The following AATF variants were observed in gnomAD, a reference collection of about 807,000 sequenced individuals.
AATF encodes apoptosis antagonizing transcription factor.
Under a neutral mutation model 63.7 loss-of-function variants are expected in AATF, and 48 were observed. That is an observed-to-expected ratio of 0.75 (90% CI 0.60 to 0.96). AATF has a LOEUF of 0.96. AATF is among the 40% of genes least tolerant of loss of function. The pLI is 0.00. For missense variants in AATF, 639 were observed against 685.7 expected (o/e 0.93, Z 0.76); for synonymous variants, 258 against 247.7 (o/e 1.04, Z -0.39).
chr17:36,971,380 T>C (rs1481587899), intron 4 of AATF, among the ~76,000 whole-genome samples: 1 of 152,222 alleles, frequency 6.6e-6, no homozygotes, highest in Non-Finnish European at 1.5e-5. Flanking sequence ...TACCTCTACA[T>C]ACCTATTAGG....
chr17:37,014,364 T>C (rs1482365188), intron 8 of AATF, among the ~76,000 whole-genome samples: 2 of 152,046 alleles, frequency 1.3e-5, no homozygotes, highest in Non-Finnish European at 2.9e-5. Flanking sequence ...GGTACCTTGC[T>C]GTCCTCTGCT....
At chr17:37,048,704 G>A (rs1348625512) in intron 11 of AATF, among the ~76,000 whole-genome samples, 1 of 152,094 alleles carries the variant, frequency 6.6e-6, no homozygotes, top group Admixed American at 6.5e-5. Flanking sequence ...TGTCACCTGT[G>A]TCTGAGCCCA....
At chr17:36,963,362 C>T (rs2070964330) in intron 4 of AATF, among the ~76,000 whole-genome samples, 3 of 152,150 alleles carry the variant, frequency 2.0e-5, no homozygotes, top group Non-Finnish European at 4.4e-5. Flanking sequence ...ATTGAATCAT[C>T]TGTGTTTAAT....
chr17:37,046,296 A>G (rs562829910), intron 11 of AATF, among the ~76,000 whole-genome samples: 51 of 152,246 alleles, frequency 3.3e-4, no homozygotes, highest in Non-Finnish European at 6.5e-4. Flanking sequence ...GGAGGAGACC[A>G]TTAGACCATT....
intron 4 of AATF, among the ~76,000 whole-genome samples, chr17:36,974,237 T>C (rs79132260): frequency 0.12 from 17,927 of 152,252 alleles, 1,327 homozygotes; most frequent in Non-Finnish European, 0.16. Flanking sequence ...AAAATGGGAC[T>C]CTATTCTGTA....
At position 36,957,953 on chromosome 17, in the gene AATF, C is replaced by T. The variant is rs528162777; in HGVS notation, c.832+4046C>T. Among the ~76,000 whole-genome samples the T allele has an allele frequency of 6.6e-4, 100 of 152,278 alleles. 1 individual carries two copies. The highest frequency in any genetic ancestry group is 2.2e-3 in the African/African-American group (91 of 41,564). ...AATGAATATCTCCTTCCTCTCCACA[C>T]ACCACCCCAAACACGTAAACTTAGT... On this transcript the variant is annotated intron_variant, in intron 4 of 11. Coordinates refer to ENST00000619387, the MANE Select transcript of AATF (RefSeq NM_012138.4).
At chr17:37,050,649 C>T (rs1567998969) in intron 11 of AATF, among the ~76,000 whole-genome samples, 2 of 152,208 alleles carry the variant, frequency 1.3e-5, no homozygotes, top group African/African-American at 4.8e-5. Flanking sequence ...GGATCCAGAC[C>T]CTGCTAGCCG....
At position 36,988,584 on chromosome 17, in the gene AATF, C is replaced by T. The variant is rs115835657; in HGVS notation, c.1013C>T (p.Pro338Leu). The change falls in exon 6 of 12, where the codon CCT becomes CTT. Residue 338 changes from proline to leucine, a missense_variant. Pro to Leu is a moderately conservative substitution (Grantham distance 98). Transcript: ENST00000619387. The stretch of plus-strand genomic sequence containing the variant: ...AAGAAGCAGCAACGAAGAAGGGTCC[C>T]TGCAAAGAGGAAGCTGGAGATGGAG... ...EEKKQQRRRV[P>L]AKRKLEMEDY... 2 of 1,614,120 alleles carry T rather than the reference C, an allele frequency of 1.2e-6. No individual in the cohort carries two copies. Among genetic ancestry groups the T allele is most frequent in the Middle Eastern group, 1.7e-4 (1 of 6,060 alleles).
At chr17:36,952,722 A>G (rs1272116467) in intron 2 of AATF, among the ~76,000 whole-genome samples, 164 bp from the exon 3 acceptor site, 6 of 152,152 alleles carry the variant, frequency 3.9e-5, no homozygotes, top group African/African-American at 1.2e-4. Context: ...CTTCTCCCTT[A>G]GCATTTTGGA....
At chr17:36,954,027 T>TGC in intron 4 of AATF, 120 bp downstream of exon 4, 1 of 1,031,274 alleles carries the variant, frequency 9.7e-7, no homozygotes, top group Non-Finnish European at 1.4e-6. Flanking sequence ...CATCTGCCCT[T>TGC]GCTCTCCCCT....
At chr17:36,968,438 C>T (rs1206633203) in intron 4 of AATF, among the ~76,000 whole-genome samples, 3 of 151,470 alleles carry the variant, frequency 2.0e-5, no homozygotes, top group East Asian at 3.9e-4. Context: ...CCACGCCTAA[C>T]TAATTCTTTG....
intron 11 of AATF, among the ~76,000 whole-genome samples, chr17:37,036,807 G>C (rs551983071): frequency 6.6e-6 from 1 of 152,014 alleles, no homozygotes; most frequent in Non-Finnish European, 1.5e-5. Context: ...TCCAGTATGA[G>C]GTTACAGATG....
intron 4 of AATF, among the ~76,000 whole-genome samples, chr17:36,965,605 T>A (rs1451589814): frequency 6.6e-6 from 1 of 152,222 alleles, no homozygotes; most frequent in Non-Finnish European, 1.5e-5. Context: ...ACCATCCCAG[T>A]GTTTTCCAGT....
intron 4 of AATF, among the ~76,000 whole-genome samples, chr17:36,982,709 G>GT (rs2071136807): frequency 6.6e-6 from 1 of 152,072 alleles, no homozygotes; most frequent in Non-Finnish European, 1.5e-5. Context: ...AAATATACAT[G>GT]ACATAAAGCT....
At chr17:36,999,959 G>A (rs1047988952) in intron 8 of AATF, 1 of 152,370 alleles carries the variant, frequency 6.6e-6, no homozygotes, top group African/African-American at 2.4e-5. Flanking sequence ...GGTAATGGGA[G>A]GCCAGGTCCT....
At chr17:37,001,409 A>AGGG (rs1491484688) in intron 8 of AATF, among the ~76,000 whole-genome samples, 587 of 29,740 alleles carry the variant, frequency 0.02, 7 homozygotes, top group Middle Eastern at 0.065. Context: ...GGGAGGGAGG[A>AGGG]AGGAAGGAAG....
intron 4 of AATF, among the ~76,000 whole-genome samples, chr17:36,970,241 A>G (rs936771885): frequency 2.6e-5 from 4 of 152,178 alleles, no homozygotes; most frequent in Admixed American, 2.0e-4. Flanking sequence ...CCAGCAGTGT[A>G]TGAGATTTCT....
At chr17:37,005,872 A>C (rs1043158630) in intron 8 of AATF, among the ~76,000 whole-genome samples, 8 of 152,184 alleles carry the variant, frequency 5.3e-5, no homozygotes, top group African/African-American at 1.9e-4. Flanking sequence ...TCACTCCTGC[A>C]ATCCCAACAC....
intron 4 of AATF, among the ~76,000 whole-genome samples, chr17:36,965,496 A>G (rs1224607339): frequency 6.6e-6 from 1 of 152,148 alleles, no homozygotes; most frequent in African/African-American, 2.4e-5. Flanking sequence ...TGACTTTTTA[A>G]TATGTTACTG....
Sources: allele counts gnomAD v4.1 joint callset (sites outside exome capture counted in the v4.1 genomes callset), GRCh38; gene constraint gnomAD v4.1.1; transcripts MANE v1.5; gene names NCBI Gene and HGNC (gene_info 2026-07-23, HGNC 2026-07-21).